CFAP46: variants seen among roughly 807,000 people sequenced by gnomAD.
The protein encoded by CFAP46 is cilia and flagella associated protein 46, also known as cilia- and flagella-associated protein 46.
Under a neutral mutation model 325.7 loss-of-function variants are expected in CFAP46, and 245 were observed. The ratio of observed to expected loss-of-function variants is 0.75; its 90% CI spans 0.68 to 0.84. The LOEUF (loss-of-function observed/expected upper bound fraction) is 0.84, where lower values mean the gene tolerates loss of function less well. Among genes scored for constraint, CFAP46 ranks in the 40% least tolerant of loss-of-function variants. The pLI, the probability that CFAP46 is intolerant of heterozygous loss-of-function variation, is 0.00. For missense variants in CFAP46, 3,346 were observed against 3,543.0 expected (o/e 0.94, Z 1.41); for synonymous variants, 1,523 against 1,495.9 (o/e 1.02, Z -0.42).
chr10:132,814,652 G>C, intron 52 of CFAP46, 34 bp downstream of exon 52: 1 of 1,583,278 alleles, frequency 6.3e-7, no homozygotes, highest in Non-Finnish European at 8.6e-7. Flanking sequence ...ACAGGGCGGG[G>C]TCTGGGGCCC....
rs1565032059 is a variant in CFAP46, at chr10:132,814,701, A to C, written c.7234T>G (p.Ser2412Ala). The change falls in exon 52 of 58, where the codon TCA (serine) becomes GCA (alanine). Residue 2412 changes from serine to alanine, a missense_variant. Ser to Ala is a moderately conservative substitution (Grantham distance 99, BLOSUM62 1). Coordinates refer to ENST00000368586, the MANE Select transcript of CFAP46 (RefSeq NM_001200049.3). Reference protein sequence around the residue: ...TIPPDCIIVDSDNFKFVVDPY... With the variant: ...TIPPDCIIVDADNFKFVVDPY... ...CAAAGGATACACTTGAAGTTGTCTG[A>C]GTCGACTATGATGCAGTCAGGGGGG... The C allele has an allele frequency of 6.2e-7, 1 of 1,608,844 alleles. No homozygotes were observed.
chr10:132,808,558 C>A lies in CFAP46; in HGVS notation c.8011G>T (p.Ala2671Ser), dbSNP rs1161398288. 1 of 1,612,868 alleles carries A rather than the reference C, an allele frequency of 6.2e-7. No individual in the cohort carries two copies. The highest frequency in any genetic ancestry group is 8.5e-7 in the Non-Finnish European group (1 of 1,179,954). ...AWTSSSACLC[A>S]PWGLRRGWSC... ...CAGCCCCGACGCAGACCCCATGGCG[C>A]ACACAGGCAGGCAGAGCTCGAGGTC... is the stretch of plus-strand genomic sequence containing the variant. The change falls in exon 58 of 58, where the codon GCG becomes TCG. Residue 2671 changes from alanine to serine, a missense_variant. Transcript: ENST00000368586. This position sits in a 1 kb window ranked among gnomAD's most constrained non-coding sequence, Gnocchi z 6.8.
chr10:132,888,169 C>T (rs897258779), intron 25 of CFAP46, among the ~76,000 whole-genome samples: 2 of 151,754 alleles, frequency 1.3e-5, no homozygotes, highest in South Asian at 2.1e-4. Flanking sequence ...TCTGCTGCAT[C>T]GAGCGCCCGA....
chr10:132,881,188 C>T (rs559292291), intron 27 of CFAP46, among the ~76,000 whole-genome samples, 156 bp from the exon 28 acceptor site: 2 of 152,306 alleles, frequency 1.3e-5, no homozygotes, highest in South Asian at 4.1e-4. Context: ...GACCAAGTTG[C>T]CATTTAGGCT....
In CFAP46 at chr10:132,817,111, C is replaced by T. The variant is rs886410086; in HGVS notation, c.7118-2197G>A. On this transcript the variant is annotated intron_variant, in intron 50 of 57. Transcript: ENST00000368586. This position sits in a 1 kb window ranked among gnomAD's most constrained non-coding sequence, Gnocchi z 4.4. ...ATCCAGGCGTGGTAAAATCTCCCAG[C>T]GTTGGGGCTGGCCAACGGCTGCACC... Among the ~76,000 whole-genome samples, 5 of 152,148 alleles carry T rather than the reference C, an allele frequency of 3.3e-5. No homozygotes were observed. The highest frequency in any genetic ancestry group is 2.6e-4 in the Admixed American group (4 of 15,280).
chr10:132,924,675 C>G, intron 11 of CFAP46, 21 bp downstream of exon 11: 1 of 1,480,820 alleles, frequency 6.8e-7, no homozygotes, highest in Non-Finnish European at 8.9e-7. Flanking sequence ...GTGGAGGACA[C>G]AGCACAGGTG....
intron 44 of CFAP46, 129 bp from the exon 45 acceptor site, chr10:132,837,043 G>T: frequency 1.4e-6 from 1 of 702,342 alleles, no homozygotes; most frequent in East Asian, 2.8e-5. Flanking sequence ...CCTGCCCGAG[G>T]CTGGGCCCTT....
intron 53 of CFAP46, 111 bp from the exon 54 acceptor site, chr10:132,814,365 C>T (rs1565031843): frequency 1.9e-6 from 2 of 1,041,798 alleles, no homozygotes; most frequent in South Asian, 1.4e-5. Flanking sequence ...TATATCAGTG[C>T]CCTGCCATGC....
chr10:132,821,182 C>CTG (rs1183338737), intron 50 of CFAP46, among the ~76,000 whole-genome samples: 1 of 103,036 alleles, frequency 9.7e-6, no homozygotes, highest in Admixed American at 1.2e-4. Context: ...CTGATGTGTG[C>CTG]TGTGTGTGCT....
intron 19 of CFAP46, 86 bp downstream of exon 19, chr10:132,912,569 T>TCCTCTCTCTCTC (rs1564798416): frequency 1.3e-5 from 11 of 870,550 alleles, no homozygotes; most frequent in South Asian, 1.7e-5. Context: ...CTCTCTCCTC[T>TCCTCTCTCTCTC]TTCACCTCTC....
chr10:132,857,384 C>T (rs2135198395), intron 39 of CFAP46, among the ~76,000 whole-genome samples: 1 of 152,402 alleles, frequency 6.6e-6, no homozygotes, highest in South Asian at 2.1e-4. Context: ...GGACCACTGC[C>T]TGTCATTGCT....
intron 57 of CFAP46, among the ~76,000 whole-genome samples, 200 bp from the exon 58 acceptor site, chr10:132,809,104 C>T (rs1418453449): frequency 1.3e-5 from 2 of 152,146 alleles, no homozygotes; most frequent in East Asian, 1.9e-4. Flanking sequence ...CCCGCGCAGC[C>T]GGGTGACGGC....
intron 9 of CFAP46, 197 bp downstream of exon 9, chr10:132,929,508 G>T (rs761257049): frequency 2.6e-6 from 2 of 781,480 alleles, no homozygotes; most frequent in Non-Finnish European, 2.4e-6. Flanking sequence ...AAAGAGAAAC[G>T]GGCAGGTGTA....
chr10:132,821,069 CTGA>C (rs1244350442), intron 50 of CFAP46, among the ~76,000 whole-genome samples: 3 of 107,400 alleles, frequency 2.8e-5, no homozygotes, highest in African/African-American at 7.3e-5. Context: ...GCTGTGAGTG[CTGA>C]TGTGTGCTGT....
chr10:132,847,129 C>T lies in CFAP46; in HGVS notation c.6088-18G>A. On this transcript the variant is annotated intron_variant, in intron 42 of 57. Coordinates refer to ENST00000368586, the MANE Select transcript of CFAP46 (RefSeq NM_001200049.3). This position sits in a 1 kb window ranked among gnomAD's most constrained non-coding sequence, Gnocchi z 5.2. ...ATCCTCCTCTGTGGGGCACAAGGCT[C>T]AGGCTCAGGCCAGGCTCCGGGCAGA... 1 of 1,608,286 alleles carries T rather than the reference C, an allele frequency of 6.2e-7. No individual in the cohort carries two copies. Among genetic ancestry groups the T allele is most frequent in the East Asian group, 2.2e-5 (1 of 44,776 alleles).
intron 7 of CFAP46, among the ~76,000 whole-genome samples, chr10:132,936,559 CTGTGATCTCCT>C: frequency 1.4e-5 from 2 of 147,970 alleles, no homozygotes; most frequent in East Asian, 2.0e-4. Flanking sequence ...CCCAAATACA[CTGTGATCTCCT>C]CACTCCCCTC....
Position 132,922,000 on chromosome 10 carries a change from G to A in CFAP46, c.1606+104C>T, listed in dbSNP as rs1272586609. On this transcript the variant is annotated intron_variant, in intron 13 of 57. Coordinates refer to ENST00000368586, the MANE Select transcript of CFAP46 (RefSeq NM_001200049.3). The stretch of plus-strand genomic sequence containing the variant: ...CGGTGCAAGGTCCTTGTGCATCCAG[G>A]GGGCGGTGGCAGGGAGCATGGGGAC... 1.0e-5 allele frequency: 14 copies of A among 1,371,794 alleles called. No individual in the cohort carries two copies. The Admixed American group carries it at 3.7e-4, about 37-fold the overall frequency. The allele number at this position is 1,371,794 out of a possible 1,614,324, so 85.0% of individuals were successfully genotyped here.
chr10:132,906,449 T>C (rs1166245766), intron 22 of CFAP46, among the ~76,000 whole-genome samples: 2 of 151,910 alleles, frequency 1.3e-5, no homozygotes, highest in Admixed American at 1.3e-4. Flanking sequence ...GTGAACGGGG[T>C]CCTGGCGCGT....
intron 32 of CFAP46, among the ~76,000 whole-genome samples, chr10:132,871,326 G>A (rs1848893547): frequency 6.6e-6 from 1 of 152,200 alleles, no homozygotes; most frequent in Non-Finnish European, 1.5e-5. Context: ...GCAGTCCATG[G>A]ATCAAGGAGG....
Sources: gnomAD v4.1 joint callset for allele counts (sites outside exome capture counted in the v4.1 genomes callset) on GRCh38, gnomAD v4.1.1 for gene constraint, Gnocchi (gnomAD v3.1) non-coding constraint, MANE v1.5 for transcripts, NCBI Gene and HGNC (gene_info 2026-07-23, HGNC 2026-07-21) for gene names.